Variants in SPATS2L observed in about 807,000 individuals in gnomAD.
The protein encoded by SPATS2L is SPATS2-like protein.
In SPATS2L, 30 loss-of-function variants were observed where a neutral mutation model predicts 59.6. That is an observed-to-expected ratio of 0.50 (90% CI 0.38 to 0.68). The LOEUF (loss-of-function observed/expected upper bound fraction) is 0.68. Ranked by LOEUF, SPATS2L falls within the 30% of genes least tolerant of loss-of-function variation. SPATS2L has a pLI of 0.00. For synonymous variants in SPATS2L, 252 were observed against 263.5 expected, an observed-to-expected ratio of 0.96 and a Z score of 0.42; for missense variants, 615 against 700.0, an observed-to-expected ratio of 0.88 and a Z score of 1.37.
chr2:200,457,558 G>T (rs539698139), intron 8 of SPATS2L, among the ~76,000 whole-genome samples: 46 of 152,292 alleles, frequency 3.0e-4, no homozygotes, highest in South Asian at 1.9e-3. Flanking sequence ...AATAGGTAAG[G>T]GACAGGCGTC....
At chr2:200,445,883 C>G (rs1184469212) in intron 8 of SPATS2L, among the ~76,000 whole-genome samples, 1 of 151,814 alleles carries the variant, frequency 6.6e-6, no homozygotes, top group African/African-American at 2.4e-5. Flanking sequence ...TATGTGTTCT[C>G]TTTGTGAACA....
At chr2:200,459,332 G>C (rs1316547923) in intron 8 of SPATS2L, among the ~76,000 whole-genome samples, 1 of 152,128 alleles carries the variant, frequency 6.6e-6, no homozygotes, top group Non-Finnish European at 1.5e-5. Context: ...CAGCAGAATT[G>C]GGCCCATCTC....
At chr2:200,419,016 T>C (rs1313254895) in intron 5 of SPATS2L, among the ~76,000 whole-genome samples, 1 of 152,170 alleles carries the variant, frequency 6.6e-6, no homozygotes, top group Non-Finnish European at 1.5e-5. Context: ...TTCTTCCTTT[T>C]ATTGGAACCT....
intron 1 of SPATS2L, among the ~76,000 whole-genome samples, chr2:200,308,032 G>C (rs114835820): frequency 0.012 from 1,864 of 152,226 alleles, 16 homozygotes; most frequent in Non-Finnish European, 0.019. Flanking sequence ...TAAGACAAAC[G>C]ACTGTGAAAT....
chr2:200,321,220 T>C (rs2079550522), intron 1 of SPATS2L, among the ~76,000 whole-genome samples: 1 of 152,158 alleles, frequency 6.6e-6, no homozygotes, highest in South Asian at 2.1e-4. Context: ...AGGACGTTTG[T>C]ACAGAAGAAT....
chr2:200,426,260 T>A (rs1241238355), intron 6 of SPATS2L, among the ~76,000 whole-genome samples: 1 of 151,952 alleles, frequency 6.6e-6, no homozygotes, highest in Non-Finnish European at 1.5e-5. Context: ...CCAGCTAATA[T>A]TTTGTGCTTT....
chr2:200,305,956 C>A, upstream of SPATS2L: 1 of 746,054 alleles, frequency 1.3e-6, no homozygotes, highest in Non-Finnish European at 1.6e-6. Flanking sequence ...TGAGAAACTG[C>A]TTTTACTCTC....
intron 6 of SPATS2L, among the ~76,000 whole-genome samples, chr2:200,431,285 T>G (rs1208862878): frequency 6.6e-6 from 1 of 152,212 alleles, no homozygotes; most frequent in Non-Finnish European, 1.5e-5. Flanking sequence ...TTGTAAATAT[T>G]TAAGAACACA....
At chr2:200,377,273 G>A (rs563872149) in intron 2 of SPATS2L, among the ~76,000 whole-genome samples, 2 of 152,308 alleles carry the variant, frequency 1.3e-5, no homozygotes, top group East Asian at 1.9e-4. Context: ...TTGGTGAATC[G>A]TAATTGCTTG....
chr2:200,308,200 G>A (rs2079089202), intron 1 of SPATS2L, among the ~76,000 whole-genome samples: 1 of 149,458 alleles, frequency 6.7e-6, no homozygotes, highest in Non-Finnish European at 1.5e-5. Context: ...ATGTAATATA[G>A]CAGGGAAGAG....
intron 6 of SPATS2L, among the ~76,000 whole-genome samples, chr2:200,431,162 A>G (rs968263407): frequency 6.6e-6 from 1 of 152,232 alleles, no homozygotes; most frequent in Non-Finnish European, 1.5e-5. Context: ...TTAAGTTATT[A>G]ATATATTACT....
At chr2:200,320,775 C>A (rs1393125518) in intron 1 of SPATS2L, among the ~76,000 whole-genome samples, 1 of 152,126 alleles carries the variant, frequency 6.6e-6, no homozygotes, top group Admixed American at 6.5e-5. Context: ...TGTCAAGTAA[C>A]ACATATGGTG....
rs960027518 is a variant in SPATS2L, at chr2:200,478,735, C to T, written c.*704C>T. The T allele has an allele frequency of 6.6e-6, 1 of 152,312 alleles. No homozygotes were observed. Among genetic ancestry groups the T allele is most frequent in the Non-Finnish European group, 1.5e-5 (1 of 68,022 alleles). 9.4% of individuals were successfully genotyped at this position (152,312 alleles called of 1,614,324 possible). A position where few individuals can be genotyped will look rare whatever the true frequency, so the allele number is the denominator to read the frequency against. ...CAAATAGATGGATATGCACCCTGAT[C>T]ATCTTAGACACACCATGTGGCAGTT... On this transcript the variant is annotated 3_prime_UTR_variant, in exon 13 of 13. Coordinates refer to ENST00000409140, the MANE Select transcript of SPATS2L (RefSeq NM_001100423.2).
In SPATS2L at chr2:200,440,725, G is replaced by A. The variant is rs757748453; in HGVS notation, c.729G>A (p.Lys243=). ...VSLTRYRVMI[K]EEVDSSVKKI... is the part of the protein sequence containing the mutation. The stretch of plus-strand genomic sequence containing the variant: ...TAACTAGATATCGCGTCATGATTAA[G>A]GAAGAAGTGGATAGTTCCGTGAAGA... Residue 243 remains lysine, a synonymous_variant, in exon 8 of 13, where the codon AAG becomes AAA. Transcript: ENST00000409140. 1.9e-6 allele frequency: 3 copies of A among 1,613,670 alleles called. No homozygotes were observed. Among genetic ancestry groups the A allele is most frequent in the Middle Eastern group, 1.7e-4 (1 of 6,060 alleles).
intron 4 of SPATS2L, among the ~76,000 whole-genome samples, 179 bp downstream of exon 4, chr2:200,412,598 C>T (rs2083119): frequency 0.44 from 54,817 of 124,140 alleles, 10,745 homozygotes; most frequent in South Asian, 0.59. Context: ...AGAGTGAGAC[C>T]CCATCTCAAA....
At chr2:200,332,772 C>CTGTG (rs144988506) in intron 2 of SPATS2L, among the ~76,000 whole-genome samples, 2,337 of 143,280 alleles carry the variant, frequency 0.016, 52 homozygotes, top group Admixed American at 0.06. Context: ...AGTTAGCTGC[C>CTGTG]TGTGTGTGTG....
At chr2:200,412,932 C>T (rs2082932270) in intron 4 of SPATS2L, among the ~76,000 whole-genome samples, 1 of 152,132 alleles carries the variant, frequency 6.6e-6, no homozygotes, top group Non-Finnish European at 1.5e-5. Context: ...TAATGCACGC[C>T]TGTAGTCCCA....
intron 8 of SPATS2L, among the ~76,000 whole-genome samples, chr2:200,443,980 T>C (rs2084867117): frequency 6.6e-6 from 1 of 152,234 alleles, no homozygotes; most frequent in Non-Finnish European, 1.5e-5. Context: ...GTAGGCTGCA[T>C]GACCATAACA....
chr2:200,319,250 A>G, intron 1 of SPATS2L, among the ~76,000 whole-genome samples: 1 of 151,864 alleles, frequency 6.6e-6, no homozygotes, highest in East Asian at 1.9e-4. Context: ...GGCACCCACT[A>G]CTCTATCAAT....
Sources: allele counts gnomAD v4.1 joint callset (sites outside exome capture counted in the v4.1 genomes callset), GRCh38; gene constraint gnomAD v4.1.1; transcripts MANE v1.5; gene names NCBI Gene and HGNC (gene_info 2026-07-23, HGNC 2026-07-21).